DPP6: variants seen among roughly 807,000 people sequenced by gnomAD.
DPP6 encodes the protein A-type potassium channel modulatory protein DPP6.
In DPP6, 69 loss-of-function variants were observed where a neutral mutation model predicts 122.6. The ratio of observed to expected loss-of-function variants is 0.56; its 90% CI spans 0.46 to 0.69. DPP6 has a LOEUF of 0.69. Among genes scored for constraint, DPP6 ranks in the 30% least tolerant of loss-of-function variants. The probability of loss-of-function intolerance (pLI) is 0.00; values close to 1 mark genes in which losing one functional copy is unlikely to be tolerated. For missense variants in DPP6, 928 were observed against 1,116.9 expected (o/e 0.83, Z 2.41); for synonymous variants, 418 against 433.1 (o/e 0.97, Z 0.43).
intron 1 of DPP6, among the ~76,000 whole-genome samples, chr7:154,278,205 G>A (rs1272674514): frequency 2.0e-5 from 3 of 152,078 alleles, no homozygotes; most frequent in African/African-American, 4.8e-5. Flanking sequence ...GAGGAGTCCC[G>A]ACTCCATGCT....
intron 1 of DPP6, among the ~76,000 whole-genome samples, chr7:153,891,581 T>G (rs1799206075): frequency 6.6e-6 from 1 of 152,210 alleles, no homozygotes; most frequent in African/African-American, 2.4e-5. Context: ...TTGGTTGATA[T>G]TCTGCTTGTT....
chr7:153,952,905 A>G (rs1401517837), intron 1 of DPP6, among the ~76,000 whole-genome samples: 1 of 152,260 alleles, frequency 6.6e-6, no homozygotes, highest in Non-Finnish European at 1.5e-5. Context: ...AAGGCTTACC[A>G]TAGAAAGCTC....
intron 1 of DPP6, among the ~76,000 whole-genome samples, chr7:154,164,004 C>A (rs1351206416): frequency 6.6e-6 from 1 of 152,166 alleles, no homozygotes; most frequent in Non-Finnish European, 1.5e-5. Context: ...CATCCCTTTC[C>A]TCCACTCGAT....
chr7:154,063,415 C>T lies in DPP6; in HGVS notation c.243+10352C>T, dbSNP rs1802352477. On this transcript the variant is annotated intron_variant, in intron 1 of 25. Transcript: ENST00000377770. Reference sequence around the variant, plus strand: ...CTGAGAGCTATCCCCTCTTCCGCCCCTGGCTGTTGGTACCCCCATCGCAAG... The same window carrying T: ...CTGAGAGCTATCCCCTCTTCCGCCCTTGGCTGTTGGTACCCCCATCGCAAG... Among the ~76,000 whole-genome samples the T allele has an allele frequency of 2.2e-5, 3 of 133,562 alleles. 1 individual carries two copies. The highest frequency in any genetic ancestry group is 3.3e-5 in the Non-Finnish European group (2 of 61,206). 87.6% of individuals were successfully genotyped at this position (133,562 alleles called of 152,430 possible). A position where few individuals can be genotyped will look rare whatever the true frequency, so the allele number is the denominator to read the frequency against.
chr7:154,060,442 C>A (rs377639521), intron 1 of DPP6, among the ~76,000 whole-genome samples: 1,231 of 85,116 alleles, frequency 0.014, 135 homozygotes, highest in African/African-American at 0.05. Flanking sequence ...GCGGGGACTG[C>A]GAGCCAGACC....
At chr7:154,131,255 C>T (rs1474659243) in intron 1 of DPP6, among the ~76,000 whole-genome samples, 1 of 152,208 alleles carries the variant, frequency 6.6e-6, no homozygotes, top group African/African-American at 2.4e-5. Context: ...CTCCACGGCT[C>T]CCAGAAGGGG....
chr7:153,834,068 C>G, the DPP6 span, among the ~76,000 whole-genome samples: 2 of 152,064 alleles, frequency 1.3e-5, no homozygotes, highest in Admixed American at 1.3e-4. Flanking sequence ...GGGTGGATCA[C>G]CTTAAGTCAG....
chr7:154,380,023 A>G (rs190704367), intron 1 of DPP6, among the ~76,000 whole-genome samples: 1 of 152,364 alleles, frequency 6.6e-6, no homozygotes, highest in African/African-American at 2.4e-5. Flanking sequence ...ACAAAATTAA[A>G]AAACAATGTC....
chr7:154,590,340 C>A (rs1464290970), intron 5 of DPP6, among the ~76,000 whole-genome samples: 2 of 151,772 alleles, frequency 1.3e-5, no homozygotes, highest in African/African-American at 4.8e-5. Context: ...ACCTGGTCTT[C>A]TGAAACTTAT....
chr7:154,118,952 C>T (rs10252171), intron 1 of DPP6, among the ~76,000 whole-genome samples: 2,502 of 150,480 alleles, frequency 0.017, 59 homozygotes, highest in African/African-American at 0.059. Context: ...AAAAGCTGAC[C>T]GACTGGTTGG....
At chr7:153,997,665 T>G (rs867663208) in intron 1 of DPP6, among the ~76,000 whole-genome samples, 2 of 149,384 alleles carry the variant, frequency 1.3e-5, no homozygotes, top group African/African-American at 5.0e-5. Flanking sequence ...AGCTCTCCTC[T>G]TAAGCACACA....
chr7:154,090,509 C>G (rs1804728772), intron 1 of DPP6, among the ~76,000 whole-genome samples: 1 of 152,082 alleles, frequency 6.6e-6, no homozygotes, highest in Non-Finnish European at 1.5e-5. Flanking sequence ...AAGAATAAAA[C>G]CTTGAAAAAT....
At chr7:153,864,396 T>C in the DPP6 span, among the ~76,000 whole-genome samples, 8 of 152,136 alleles carry the variant, frequency 5.3e-5, no homozygotes, top group Non-Finnish European at 1.0e-4. Context: ...GGCTCACACT[T>C]CTAATCCCAG....
chr7:154,356,620 TAGTC>T (rs978979581), intron 1 of DPP6, among the ~76,000 whole-genome samples: 2 of 152,042 alleles, frequency 1.3e-5, no homozygotes, highest in Admixed American at 1.3e-4. Context: ...ATCTTTTCAA[TAGTC>T]AGACAATTCT....
intron 7 of DPP6, among the ~76,000 whole-genome samples, chr7:154,685,426 C>T (rs933193115): frequency 2.0e-5 from 3 of 152,252 alleles, no homozygotes; most frequent in Non-Finnish European, 4.4e-5. Context: ...GGCTCTGGTT[C>T]GTTTGGACCA....
rs1437224221 is a variant in DPP6 at position 154,607,429 on chromosome 7, C to T, written c.628-30392C>T. Among the ~76,000 whole-genome samples, 6 of 115,018 alleles carry T rather than the reference C, an allele frequency of 5.2e-5. 2 individuals are homozygous for T. Among genetic ancestry groups the T allele is most frequent in the African/African-American group, 1.7e-4 (6 of 36,330 alleles). The allele number at this position is 115,018 out of a possible 152,430, so 75.5% of individuals were successfully genotyped here. ...ACAAAAAATTAGCTGGGCATGGCGG[C>T]GGGCGCCTGTAGTCGCAGCTACTCA... On this transcript the variant is annotated intron_variant, in intron 5 of 25. Transcript: ENST00000377770.
At position 154,606,904 on chromosome 7, in the gene DPP6, C is replaced by T. The variant is rs752789410; in HGVS notation, c.628-30917C>T. On this transcript the variant is annotated intron_variant, in intron 5 of 25. Coordinates refer to ENST00000377770, the MANE Select transcript of DPP6 (RefSeq NM_130797.4). The stretch of plus-strand genomic sequence containing the variant: ...TATAGACTGTACATGGCAGCATTCA[C>T]AGTCCAGAAAAATGTACATAAATGT... Among the ~76,000 whole-genome samples the T allele has an allele frequency of 3.0e-4, 36 of 121,444 alleles. 8 individuals are homozygous for T. Among genetic ancestry groups the T allele is most frequent in the Non-Finnish European group, 5.0e-4 (27 of 53,840 alleles). The allele number at this position is 121,444 out of a possible 152,430, so 79.7% of individuals were successfully genotyped here. A position where few individuals can be genotyped will look rare whatever the true frequency, so the allele number is the denominator to read the frequency against.
At chr7:153,817,022 T>C in the DPP6 span, among the ~76,000 whole-genome samples, 5 of 150,066 alleles carry the variant, frequency 3.3e-5, no homozygotes, top group African/African-American at 1.2e-4. Flanking sequence ...ATAAAATTCT[T>C]GCCAAATTCC....
the DPP6 span, among the ~76,000 whole-genome samples, chr7:153,761,551 A>T: frequency 1.3e-5 from 2 of 152,278 alleles, no homozygotes; most frequent in Middle Eastern, 6.8e-3. Context: ...ATCTTGCAAC[A>T]GCCACTGAGG....
Sources: allele counts gnomAD v4.1 joint callset (sites outside exome capture counted in the v4.1 genomes callset), GRCh38; gene constraint gnomAD v4.1.1; transcripts MANE v1.5; gene names NCBI Gene and HGNC (gene_info 2026-07-23, HGNC 2026-07-21).